CD34: variants seen among roughly 807,000 people sequenced by gnomAD.
CD34 encodes the protein hematopoietic progenitor cell antigen CD34.
A neutral mutation model predicts 40.1 loss-of-function variants in CD34; 34 were observed. The ratio of observed to expected loss-of-function variants is 0.85; its 90% CI spans 0.65 to 1.13. The LOEUF (loss-of-function observed/expected upper bound fraction) is 1.13. Ranked by LOEUF, CD34 falls within the 50% of genes most tolerant of loss-of-function variation. The pLI, the probability that CD34 is intolerant of heterozygous loss-of-function variation, is 0.00. For missense variants in CD34, 426 were observed against 466.9 expected (o/e 0.91, Z 0.81); for synonymous variants, 209 against 190.0 (o/e 1.10, Z -0.82).
chr1:207,882,490 G>A lies in CD34; in HGVS notation c.*5248C>T, dbSNP rs1385122985. The A allele has an allele frequency of 6.6e-6, 1 of 152,202 alleles. No individual in the cohort carries two copies. Among genetic ancestry groups the A allele is most frequent in the East Asian group, 1.9e-4 (1 of 5,200 alleles). The allele number at this position is 152,202 out of a possible 1,614,324, so 9.4% of individuals were successfully genotyped here. A position where few individuals can be genotyped will look rare whatever the true frequency, so the allele number is the denominator to read the frequency against. On this transcript the variant is annotated 3_prime_UTR_variant, in exon 8 of 8. Coordinates refer to ENST00000310833, the MANE Select transcript of CD34 (RefSeq NM_001025109.2). The stretch of plus-strand genomic sequence containing the variant: ...GAACCAGGAAAATCTCAATTTGATT[G>A]AGAAAAAACCATTAACAGATGCCAA...
chr1:207,898,918 C>T, intron 3 of CD34, 55 bp downstream of exon 3: 2 of 1,588,452 alleles, frequency 1.3e-6, no homozygotes, highest in African/African-American at 1.3e-5. Context: ...AAACAGCTTG[C>T]CTGCATACAT....
intron 4 of CD34, among the ~76,000 whole-genome samples, chr1:207,896,224 G>GT (rs1364618996): frequency 6.6e-6 from 1 of 152,094 alleles, no homozygotes; most frequent in African/African-American, 2.4e-5. Context: ...GTTTTCTTCT[G>GT]TAAGTAAATA....
intron 4 of CD34, chr1:207,890,541 G>A (rs1332081489): frequency 6.6e-6 from 1 of 152,364 alleles, no homozygotes; most frequent in East Asian, 1.9e-4. Flanking sequence ...TTGCAACAAG[G>A]CCACAGGGTC....
chr1:207,896,202 T>C (rs1035800286), intron 4 of CD34, among the ~76,000 whole-genome samples: 1 of 152,138 alleles, frequency 6.6e-6, no homozygotes, highest in African/African-American at 2.4e-5. Flanking sequence ...GATCCCCAAC[T>C]TGTAAGAAAA....
chr1:207,888,169 G>T (rs759880877), intron 7 of CD34: 1 of 1,603,216 alleles, frequency 6.2e-7, no homozygotes, highest in East Asian at 2.2e-5. Context: ...ACCGCAGCTC[G>T]GCAGCCAGCT....
intron 6 of CD34, 45 bp downstream of exon 6, chr1:207,889,116 C>A: frequency 8.3e-7 from 1 of 1,211,968 alleles, no homozygotes; most frequent in South Asian, 1.2e-5. Context: ...GGGAGCCCCC[C>A]TGCCCCGGCA....
chr1:207,906,897 C>A (rs1662393473), intron 1 of CD34, among the ~76,000 whole-genome samples: 1 of 152,038 alleles, frequency 6.6e-6, no homozygotes, highest in African/African-American at 2.4e-5. Flanking sequence ...TGGACCCCAT[C>A]CACTTACTGT....
Position 207,883,539 on chromosome 1 carries a change from C to T in CD34, c.*4199G>A, listed in dbSNP as rs1312314966. On this transcript the variant is annotated 3_prime_UTR_variant, in exon 8 of 8. Transcript: ENST00000310833. ...TTTGGGGTTCAAATAAACTCACATC[C>T]TATTCATCTTTGCCTCTGCCACTGT... The T allele has an allele frequency of 6.6e-6, 1 of 152,174 alleles. No homozygotes were observed. Among genetic ancestry groups the T allele is most frequent in the Non-Finnish European group, 1.5e-5 (1 of 68,042 alleles). The allele number at this position is 152,174 out of a possible 1,614,324, so 9.4% of individuals were successfully genotyped here.
Position 207,887,916 on chromosome 1 carries a change from T to C in CD34, c.980A>G (p.Asp327Gly). The C allele has an allele frequency of 6.2e-7, 1 of 1,613,706 alleles. No homozygotes were observed. The highest frequency in any genetic ancestry group is 8.5e-7 in the Non-Finnish European group (1 of 1,179,888). Residue 327 changes from aspartate (D) to glycine (G), a missense_variant, in exon 8 of 8, where the codon GAC becomes GGC. Coordinates refer to ENST00000310833, the MANE Select transcript of CD34 (RefSeq NM_001025109.2). ...WSPTGERLGE[D>G]PYYTENGGGQ... ...TCCACCGTTTTCCGTGTAATAAGGG[T>C]CTTCGCCCTAGACAGTGTATAAATA...
Position 207,899,057 on chromosome 1 carries a change from T to C in CD34, c.432A>G (p.Ser144=), listed in dbSNP as rs761074750. Residue 144 remains serine, a synonymous_variant, in exon 3 of 8, where the codon TCA becomes TCG. Transcript: ENST00000310833. ...GGCTAGTGCTAGTGGTTGAAAGGTC[T>C]GAAACATTTCCAGGTGACAGGCTAG... ...LKPSLSPGNV[S]DLSTTSTSLA... 6.2e-7 allele frequency: 1 copy of C among 1,614,238 alleles called. No homozygotes were observed. Among genetic ancestry groups the C allele is most frequent in the East Asian group, 2.2e-5 (1 of 44,892 alleles).
Position 207,899,945 on chromosome 1 carries a change from C to T in CD34, c.138G>A (p.Gln46=). The change falls in exon 2 of 8, where the codon CAG becomes CAA. Residue 46 remains glutamine (Q), a synonymous_variant. Coordinates refer to ENST00000310833, the MANE Select transcript of CD34 (RefSeq NM_001025109.2). ...TTGTAGAAACATTTGAAAATGTTCC[C>T]TGGGTAGGTAACTCTGGGGTAGCAG... is the stretch of plus-strand genomic sequence containing the variant. The part of the protein sequence containing the change: ...NGTATPELPT[Q]GTFSNVSTNV... The T allele has an allele frequency of 6.2e-7, 1 of 1,613,838 alleles. No individual in the cohort carries two copies. Among genetic ancestry groups the T allele is most frequent in the Admixed American group, 1.7e-5 (1 of 60,008 alleles).
At position 207,899,142 on chromosome 1, in the gene CD34, A is replaced by G; in HGVS notation, c.347T>C (p.Val116Ala). The change falls in exon 3 of 8, where the codon GTA becomes GCA. Residue 116 changes from valine to alanine, a missense_variant. By Grantham distance (64) the Val-to-Ala change is moderately conservative. Coordinates refer to ENST00000310833, the MANE Select transcript of CD34 (RefSeq NM_001025109.2). ...TGGGGTGGTGAACACTGTGCTGATT[A>G]CAGAGGTCTGTGACTGGACAGAAGA... ...TNSSVQSQTS[V>A]ISTVFTTPAN... 1.2e-6 allele frequency: 2 copies of G among 1,614,206 alleles called. No homozygotes were observed. The highest frequency in any genetic ancestry group is 8.5e-7 in the Non-Finnish European group (1 of 1,179,996).
At chr1:207,894,823 AAG>A (rs1491347595) in intron 4 of CD34, among the ~76,000 whole-genome samples, 6 of 152,112 alleles carry the variant, frequency 3.9e-5, no homozygotes, top group African/African-American at 1.4e-4. Context: ...GCAAAAAAAA[AAG>A]AGTGATTGGG....
chr1:207,882,696 C>T lies in CD34; in HGVS notation c.*5042G>A, dbSNP rs1296513462. ...TTGCTTGAGCCTTAAAAGAATCACT[C>T]ACATTTCTGGAACAATCACCCTCAC... On this transcript the variant is annotated 3_prime_UTR_variant, in exon 8 of 8. Transcript: ENST00000310833. 2 of 152,204 alleles carry T rather than the reference C, an allele frequency of 1.3e-5. No individual in the cohort carries two copies. The highest frequency in any genetic ancestry group is 4.8e-5 in the African/African-American group (2 of 41,436). 9.4% of individuals were successfully genotyped at this position (152,204 alleles called of 1,614,324 possible). A position where few individuals can be genotyped will look rare whatever the true frequency, so the allele number is the denominator to read the frequency against.
At chr1:207,899,545 A>AT in intron 2 of CD34, among the ~76,000 whole-genome samples, 1 of 152,172 alleles carries the variant, frequency 6.6e-6, no homozygotes, top group Non-Finnish European at 1.5e-5. Context: ...TCTGATCCTT[A>AT]TTTTATCACT....
intron 4 of CD34, among the ~76,000 whole-genome samples, chr1:207,895,101 T>C (rs185981569): frequency 2.2e-4 from 34 of 152,262 alleles, no homozygotes; most frequent in Non-Finnish European, 1.5e-5. Context: ...TTAGAACCAA[T>C]ACCTTAAGGC....
At chr1:207,907,718 C>T (rs2267895) in intron 1 of CD34, among the ~76,000 whole-genome samples, 21,930 of 152,124 alleles carry the variant, frequency 0.14, 2,654 homozygotes, top group African/African-American at 0.33. Flanking sequence ...CCAACATGCA[C>T]GCATCTTTCT....
chr1:207,891,594 G>T (rs1219163902), intron 4 of CD34, among the ~76,000 whole-genome samples: 1 of 151,520 alleles, frequency 6.6e-6, no homozygotes, highest in Non-Finnish European at 1.5e-5. Flanking sequence ...GAGGTGGGAG[G>T]GTCTCTCCAC....
At position 207,910,627 on chromosome 1, in the gene CD34, A is replaced by C. The variant is rs551052730; in HGVS notation, c.79+375T>G. Among the ~76,000 whole-genome samples, 32 of 152,246 alleles carry C rather than the reference A, an allele frequency of 2.1e-4. No homozygotes were observed. In the South Asian group the frequency reaches 6.6e-3, roughly 32 times the overall value. ...CTTTCTGAATCAACCAAGAGCCACA[A>C]AACTTTTCCTGCTTCTCTCCTCCCC... is the stretch of plus-strand genomic sequence containing the variant. On this transcript the variant is annotated intron_variant, in intron 1 of 7. Coordinates refer to ENST00000310833, the MANE Select transcript of CD34 (RefSeq NM_001025109.2).
Sources: allele counts gnomAD v4.1 joint callset (sites outside exome capture counted in the v4.1 genomes callset), GRCh38; gene constraint gnomAD v4.1.1; transcripts MANE v1.5; gene names NCBI Gene and HGNC (gene_info 2026-07-23, HGNC 2026-07-21).